NIM1K: variants seen among roughly 807,000 people sequenced by gnomAD.
The protein encoded by NIM1K is NIM1 serine/threonine protein kinase, also known as serine/threonine-protein kinase NIM1.
Under a neutral mutation model 37.1 loss-of-function variants are expected in NIM1K, and 35 were observed. The ratio of observed to expected loss-of-function variants is 0.94; its 90% CI spans 0.72 to 1.25. NIM1K has a LOEUF of 1.25. NIM1K is among the 50% of genes most tolerant of loss of function. The pLI is 0.00. For missense variants in NIM1K, 564 were observed against 548.0 expected, an observed-to-expected ratio of 1.03 and a Z score of -0.29; for synonymous variants, 234 against 206.6, an observed-to-expected ratio of 1.13 and a Z score of -1.14.
intron 2 of NIM1K, among the ~76,000 whole-genome samples, chr5:43,257,600 C>G (rs572302702): frequency 6.6e-6 from 1 of 152,074 alleles, no homozygotes; most frequent in East Asian, 1.9e-4. Flanking sequence ...ATCCACCCGC[C>G]CTGGCCTCCC....
chr5:43,222,634 T>C (rs1019135658), intron 1 of NIM1K, among the ~76,000 whole-genome samples: 11 of 151,860 alleles, frequency 7.2e-5, no homozygotes, highest in African/African-American at 2.7e-4. Context: ...CTTGGGAGGC[T>C]GAGACTGAAG....
At chr5:43,257,589 C>G (rs1752965391) in intron 2 of NIM1K, among the ~76,000 whole-genome samples, 1 of 151,844 alleles carries the variant, frequency 6.6e-6, no homozygotes, top group African/African-American at 2.4e-5. Context: ...CTGACCTCAT[C>G]ATCCACCCGC....
In NIM1K at chr5:43,280,252, A is replaced by T; in HGVS notation, c.834A>T (p.Lys278Asn). 1 of 1,614,182 alleles carries T rather than the reference A, an allele frequency of 6.2e-7. No individual in the cohort carries two copies. The highest frequency in any genetic ancestry group is 1.7e-4 in the Middle Eastern group (1 of 6,060). Residue 278 changes from lysine to asparagine, a missense_variant, in exon 4 of 4, where the codon AAA becomes AAT. Physicochemically the swap from Lys to Asn is moderately conservative, Grantham distance 94. Transcript: ENST00000326035. ...TMPFRAETVA[K>N]LKKSILEGTY... ...CATTTCGGGCAGAAACCGTGGCCAA[A>T]CTAAAAAAGAGCATCCTCGAGGGCA...
At chr5:43,277,456 G>C in intron 3 of NIM1K, 131 bp downstream of exon 3, 9 of 940,322 alleles carry the variant, frequency 9.6e-6, no homozygotes, top group South Asian at 1.7e-5. Flanking sequence ...TCCCTTCTGA[G>C]AGTCAGAAGT....
chr5:43,280,602 A>C lies in NIM1K; in HGVS notation c.1184A>C (p.Gln395Pro), dbSNP rs755415719. 2 of 1,614,158 alleles carry C rather than the reference A, an allele frequency of 1.2e-6. No individual in the cohort carries two copies. Among genetic ancestry groups the C allele is most frequent in the East Asian group, 4.5e-5 (2 of 44,868 alleles). Reference protein sequence around the residue: ...GVYRIILHRVQRKKALESVPV... With the variant: ...GVYRIILHRVPRKKALESVPV... ...TATAGAATTATTTTACATAGAGTCC[A>C]AAGGAAGAAGGCTTTGGAAAGTGTC... is the stretch of plus-strand genomic sequence containing the variant. Residue 395 changes from glutamine to proline, a missense_variant, in exon 4 of 4, where the codon CAA (glutamine) becomes CCA (proline). Coordinates refer to ENST00000326035, the MANE Select transcript of NIM1K (RefSeq NM_153361.4).
At chr5:43,264,995 G>C (rs1252240474) in intron 2 of NIM1K, among the ~76,000 whole-genome samples, 3 of 152,196 alleles carry the variant, frequency 2.0e-5, no homozygotes, top group African/African-American at 7.2e-5. Flanking sequence ...TCTGCTGTTA[G>C]TCTGATGGGC....
chr5:43,205,721 G>A (rs1368315167), intron 1 of NIM1K, among the ~76,000 whole-genome samples: 1 of 152,018 alleles, frequency 6.6e-6, no homozygotes, highest in Non-Finnish European at 1.5e-5. Flanking sequence ...GTTTTGTTTT[G>A]TTTTGTTTTG....
At chr5:43,234,047 A>C (rs939146635) in intron 1 of NIM1K, among the ~76,000 whole-genome samples, 11 of 152,174 alleles carry the variant, frequency 7.2e-5, no homozygotes, top group African/African-American at 2.2e-4. Flanking sequence ...TCTACCTCAG[A>C]TCTTTGAAAT....
intron 1 of NIM1K, among the ~76,000 whole-genome samples, chr5:43,213,414 C>T (rs1752249769): frequency 6.6e-6 from 1 of 151,642 alleles, no homozygotes; most frequent in Non-Finnish European, 1.5e-5. Flanking sequence ...GCTGCAACCT[C>T]CACCTCCCAG....
chr5:43,261,708 G>A (rs1038097137), intron 2 of NIM1K, among the ~76,000 whole-genome samples: 2 of 152,074 alleles, frequency 1.3e-5, no homozygotes, highest in Non-Finnish European at 2.9e-5. Context: ...GAATGGTATT[G>A]CCTAGGTTTT....
At chr5:43,217,081 T>C (rs1752310623) in intron 1 of NIM1K, among the ~76,000 whole-genome samples, 1 of 152,184 alleles carries the variant, frequency 6.6e-6, no homozygotes, top group Non-Finnish European at 1.5e-5. Flanking sequence ...TTTTAGAACA[T>C]TTTCATTACC....
chr5:43,222,241 A>C (rs551875164), intron 1 of NIM1K, among the ~76,000 whole-genome samples: 1 of 152,306 alleles, frequency 6.6e-6, no homozygotes, highest in South Asian at 2.1e-4. Context: ...AAGGGTGAGA[A>C]ATACGATCTT....
chr5:43,241,769 T>C (rs1478016432), intron 1 of NIM1K, among the ~76,000 whole-genome samples: 1 of 152,192 alleles, frequency 6.6e-6, no homozygotes, highest in South Asian at 2.1e-4. Context: ...TGTCTGTTTA[T>C]GATACTTTTG....
intron 2 of NIM1K, among the ~76,000 whole-genome samples, chr5:43,251,367 A>C (rs1292276764): frequency 6.6e-6 from 1 of 152,252 alleles, no homozygotes; most frequent in Non-Finnish European, 1.5e-5. Context: ...GCTGTGATTC[A>C]GTGCTATTTA....
intron 1 of NIM1K, among the ~76,000 whole-genome samples, chr5:43,218,517 G>C (rs1428190101): frequency 6.6e-6 from 1 of 152,224 alleles, no homozygotes; most frequent in South Asian, 2.1e-4. Flanking sequence ...AGCCAAGGTG[G>C]CACATGGTGA....
At chr5:43,204,813 T>C (rs1561072132) in intron 1 of NIM1K, among the ~76,000 whole-genome samples, 1 of 151,150 alleles carries the variant, frequency 6.6e-6, no homozygotes, top group Non-Finnish European at 1.5e-5. Context: ...TTAAAACCAA[T>C]GTAAGCAACA....
At chr5:43,274,246 A>C (rs1290652196) in intron 2 of NIM1K, among the ~76,000 whole-genome samples, 1 of 152,166 alleles carries the variant, frequency 6.6e-6, no homozygotes, top group Admixed American at 6.5e-5. Context: ...AGAAAAAGAA[A>C]ACTAGGGTGG....
chr5:43,266,328 C>A (rs1284813441), intron 2 of NIM1K, among the ~76,000 whole-genome samples: 1 of 152,238 alleles, frequency 6.6e-6, no homozygotes, highest in Non-Finnish European at 1.5e-5. Flanking sequence ...TGGCGGATGT[C>A]CCTCCACCAG....
At chr5:43,232,641 A>G (rs138464523) in intron 1 of NIM1K, 17,377 of 1,552,792 alleles carry the variant, frequency 0.011, 207 homozygotes, top group Middle Eastern at 0.04. Flanking sequence ...CAGCTGTGGA[A>G]ACCTGGGGTG....
Sources: gnomAD v4.1 joint callset for allele counts (sites outside exome capture counted in the v4.1 genomes callset) on GRCh38, gnomAD v4.1.1 for gene constraint, MANE v1.5 for transcripts, NCBI Gene and HGNC (gene_info 2026-07-23, HGNC 2026-07-21) for gene names.